Variants in LPP observed in about 807,000 individuals in gnomAD.
The protein encoded by LPP is LIM domain containing preferred translocation partner in lipoma, also known as lipoma-preferred partner.
Under a neutral mutation model 60.4 loss-of-function variants are expected in LPP, and 38 were observed. That is an observed-to-expected ratio of 0.63 (90% confidence interval 0.49 to 0.83). The LOEUF (loss-of-function observed/expected upper bound fraction) is 0.83, where lower values mean the gene tolerates loss of function less well. Ranked by LOEUF, LPP falls within the 40% of genes least tolerant of loss-of-function variation. LPP has a pLI of 0.00. For missense variants in LPP, 902 were observed against 783.6 expected, an observed-to-expected ratio of 1.15 and a Z score of -1.80; for synonymous variants, 328 against 290.8, an observed-to-expected ratio of 1.13 and a Z score of -1.30.
chr3:188,370,717 G>A (rs1480702155), intron 3 of LPP, among the ~76,000 whole-genome samples: 1 of 152,030 alleles, frequency 6.6e-6, no homozygotes, highest in Admixed American at 6.6e-5. Flanking sequence ...TTTTCTCGTT[G>A]CCCGACATGG....
intron 9 of LPP, among the ~76,000 whole-genome samples, chr3:188,837,421 A>AATAATCATCATC (rs1485239539): frequency 2.1e-5 from 3 of 141,668 alleles, no homozygotes; most frequent in Admixed American, 7.4e-5. Context: ...TAATAATAAT[A>AATAATCATCATC]ATCTGTGCTT....
intron 9 of LPP, among the ~76,000 whole-genome samples, chr3:188,791,702 C>A (rs1743820682): frequency 6.6e-6 from 1 of 152,110 alleles, no homozygotes; most frequent in Non-Finnish European, 1.5e-5. Context: ...AGTACATTGC[C>A]ATCCTTCAGG....
At chr3:188,431,730 C>G (rs1025984864) in intron 4 of LPP, among the ~76,000 whole-genome samples, 3 of 152,096 alleles carry the variant, frequency 2.0e-5, no homozygotes, top group African/African-American at 7.2e-5. Flanking sequence ...AATTGTAAAA[C>G]AATGTGATTG....
intron 5 of LPP, among the ~76,000 whole-genome samples, chr3:188,522,822 T>C (rs1819313053): frequency 6.8e-6 from 1 of 146,012 alleles, no homozygotes; most frequent in South Asian, 2.1e-4. Flanking sequence ...TATATGTGTA[T>C]GTGTGTGTGT....
chr3:188,739,664 G>A (rs1345535838), intron 8 of LPP, among the ~76,000 whole-genome samples: 1 of 151,970 alleles, frequency 6.6e-6, no homozygotes, highest in African/African-American at 2.4e-5. Flanking sequence ...CCCTTCCAGG[G>A]AGTTAGTTAC....
intron 4 of LPP, among the ~76,000 whole-genome samples, chr3:188,436,028 A>G (rs1645628705): frequency 1.3e-5 from 2 of 152,248 alleles, no homozygotes; most frequent in Admixed American, 1.3e-4. Flanking sequence ...TATTAACAAT[A>G]ACAGGAGCCA....
chr3:188,380,451 T>G (rs902326089), intron 3 of LPP, among the ~76,000 whole-genome samples: 11 of 152,386 alleles, frequency 7.2e-5, no homozygotes, highest in African/African-American at 2.4e-4. Context: ...ATCCTTGTTT[T>G]GATTTCCTTT....
intron 3 of LPP, among the ~76,000 whole-genome samples, chr3:188,387,885 G>A (rs918867995): frequency 2.7e-5 from 4 of 150,696 alleles, no homozygotes; most frequent in Admixed American, 6.7e-5. Flanking sequence ...TATTTTTATG[G>A]TTATTTCTAT....
At chr3:188,680,269 CA>C (rs1859188549) in intron 7 of LPP, among the ~76,000 whole-genome samples, 1 of 152,102 alleles carries the variant, frequency 6.6e-6, no homozygotes, top group Non-Finnish European at 1.5e-5. Flanking sequence ...GAAATTGTAA[CA>C]ATTAGAGGAG....
At chr3:188,202,705 C>G (rs1731414171) in intron 1 of LPP, among the ~76,000 whole-genome samples, 1 of 152,180 alleles carries the variant, frequency 6.6e-6, no homozygotes, top group Non-Finnish European at 1.5e-5. Context: ...AGGTTGGTCC[C>G]TTTTCCTTCT....
intron 10 of LPP, among the ~76,000 whole-genome samples, chr3:188,872,053 GA>G (rs1327977984): frequency 6.6e-6 from 1 of 152,124 alleles, no homozygotes; most frequent in Non-Finnish European, 1.5e-5. Flanking sequence ...AAAAATGTAG[GA>G]AATGCAGACT....
In LPP at chr3:188,484,588, G is replaced by A. The variant is rs1805781218; in HGVS notation, c.194-4G>A. On this transcript the variant is annotated splice_region_variant and splice_polypyrimidine_tract_variant and intron_variant, in intron 4 of 11. Transcript: ENST00000617246. ...ACTTCATGTTGTTTACTTCTTTTCT[G>A]TAGGTGATTTTCTTCCACCCCCACC... The A allele has an allele frequency of 6.3e-7, 1 of 1,594,462 alleles. No homozygotes were observed. The highest frequency in any genetic ancestry group is 8.6e-7 in the Non-Finnish European group (1 of 1,162,694).
chr3:188,458,769 C>T (rs1798318421), intron 4 of LPP, among the ~76,000 whole-genome samples: 1 of 150,784 alleles, frequency 6.6e-6, no homozygotes, highest in Admixed American at 6.6e-5. Flanking sequence ...GTTTATTGAT[C>T]TTGTGCCTTT....
intron 5 of LPP, among the ~76,000 whole-genome samples, chr3:188,488,922 C>T (rs1299140744): frequency 6.6e-6 from 1 of 152,178 alleles, no homozygotes; most frequent in Non-Finnish European, 1.5e-5. Flanking sequence ...CAGGCATGAT[C>T]CACCGCGCCC....
At chr3:188,795,939 CAGTT>C (rs1745210747) in intron 9 of LPP, among the ~76,000 whole-genome samples, 1 of 152,052 alleles carries the variant, frequency 6.6e-6, no homozygotes, top group Non-Finnish European at 1.5e-5. Flanking sequence ...TCCTTGTTGA[CAGTT>C]GGTGGGGTGC....
At chr3:188,234,589 G>A (rs1304277448) in intron 2 of LPP, among the ~76,000 whole-genome samples, 6 of 152,154 alleles carry the variant, frequency 3.9e-5, no homozygotes, top group Non-Finnish European at 8.8e-5. Context: ...TTAAGTTTTA[G>A]AAGCTGATTC....
At chr3:188,178,200 T>C (rs189151368) in intron 1 of LPP, among the ~76,000 whole-genome samples, 16 of 152,200 alleles carry the variant, frequency 1.1e-4, no homozygotes, top group Admixed American at 9.8e-4. Flanking sequence ...ATTTCACAGA[T>C]GGGGAGAGTG....
intron 4 of LPP, among the ~76,000 whole-genome samples, chr3:188,473,068 TAA>T (rs886727262): frequency 6.6e-6 from 1 of 152,132 alleles, no homozygotes; most frequent in Non-Finnish European, 1.5e-5. Context: ...TATTCATCTA[TAA>T]AAAAAGTTAT....
At chr3:188,827,326 C>T (rs1433988629) in intron 9 of LPP, among the ~76,000 whole-genome samples, 1 of 152,170 alleles carries the variant, frequency 6.6e-6, no homozygotes, top group Non-Finnish European at 1.5e-5. Context: ...ACATATTAGA[C>T]ACATGATTGT....
Sources: allele counts gnomAD v4.1 joint callset (sites outside exome capture counted in the v4.1 genomes callset), GRCh38; gene constraint gnomAD v4.1.1; transcripts MANE v1.5; gene names NCBI Gene and HGNC (gene_info 2026-07-23, HGNC 2026-07-21).